The following TULP1 variants were observed in gnomAD, a reference collection of about 807,000 sequenced individuals.
TULP1 encodes TUB like protein 1.
Under a neutral mutation model 67.1 loss-of-function variants are expected in TULP1, and 50 were observed. The observed-to-expected ratio is 0.75, with a 90% confidence interval of 0.59 to 0.94. The LOEUF is 0.94. TULP1 is among the 40% of genes least tolerant of loss of function. The pLI is 0.00. For missense variants in TULP1, 746 were observed against 734.1 expected (o/e 1.02, Z -0.19); for synonymous variants, 297 against 294.0 (o/e 1.01, Z -0.11).
At chr6:35,507,808 T>G (rs537528390) in intron 8 of TULP1, among the ~76,000 whole-genome samples, 1 of 152,318 alleles carries the variant, frequency 6.6e-6, no homozygotes, top group East Asian at 1.9e-4. Context: ...TGGCCATTTT[T>G]TAAAATTTAT....
intron 2 of TULP1, 131 bp downstream of exon 2, chr6:35,512,508 C>G (rs750944320): frequency 1.2e-5 from 15 of 1,268,492 alleles, no homozygotes; most frequent in Admixed American, 1.9e-5. Context: ...CTTTCTCCCC[C>G]CAGATCTCCA....
In TULP1 at chr6:35,510,901, T is replaced by A. The variant is rs148523232; in HGVS notation, c.459A>T (p.Ala153=). 1.4e-5 allele frequency: 23 copies of A among 1,613,872 alleles called. No individual in the cohort carries two copies. Among genetic ancestry groups the A allele is most frequent in the Middle Eastern group, 1.6e-4 (1 of 6,084 alleles). ...CCTTGGCCCTCCTCTCCTTCAGGTCTGCGGAGCTCTTCTCTCTCAGGGGCT... is the reference window on the plus strand; with the variant it reads ...CCTTGGCCCTCCTCTCCTTCAGGTCAGCGGAGCTCTTCTCTCTCAGGGGCT... ...PKKPLREKSS[A]DLKERRAKAQ... Residue 153 remains alanine, a synonymous_variant, in exon 5 of 15, where the codon GCA becomes GCT. Transcript: ENST00000229771.
rs1337478675 is a variant in TULP1, at chr6:35,510,861, C to G, written c.499G>C (p.Gly167Arg). 9 of 1,613,908 alleles carry G rather than the reference C, an allele frequency of 5.6e-6. No individual in the cohort carries two copies. In the East Asian group the frequency reaches 6.7e-5, roughly 12 times the overall value. ...CTCTCTCAGCACCCTCAGCACCCAC[C>G]CCTTGGGCCCTGGGCCTTGGCCCTC... ...ERRAKAQGPR[G>R]DLGSPDPPPK... Residue 167 changes from glycine to arginine, a missense_variant and splice_region_variant, in exon 5 of 15, where the codon GGA (glycine) becomes CGA (arginine). By Grantham distance (125) the Gly-to-Arg change is moderately radical (BLOSUM62 -2). Transcript: ENST00000229771.
At chr6:35,511,897 C>T (rs542153225) in intron 3 of TULP1, 91 bp from the exon 4 acceptor site, 15 of 1,363,332 alleles carry the variant, frequency 1.1e-5, no homozygotes, top group Non-Finnish European at 1.5e-5. Context: ...GGGCGCACCC[C>T]CTCGGGCTCC....
Position 35,500,153 on chromosome 6 carries a change from C to T in TULP1, c.1324-1G>A. 1 of 1,613,932 alleles carries T rather than the reference C, an allele frequency of 6.2e-7. No homozygotes were observed. The highest frequency in any genetic ancestry group is 8.5e-7 in the Non-Finnish European group (1 of 1,180,018). ...AGCGCACCAGCAGGCCGTCACTAGC[C>T]TGGGGTGCCCCAGGGGAGTAGACAG... On this transcript the variant is annotated splice_acceptor_variant, in intron 13 of 14. Coordinates refer to ENST00000229771, the MANE Select transcript of TULP1 (RefSeq NM_003322.6). LOFTEE classifies it high-confidence loss of function.
intron 4 of TULP1, 118 bp from the exon 5 acceptor site, chr6:35,511,128 T>G: frequency 1.3e-6 from 2 of 1,547,536 alleles, no homozygotes; most frequent in Non-Finnish European, 1.7e-6. Context: ...AGCCTGCCCT[T>G]CTGAAACAAG....
chr6:35,498,138 T>C lies in TULP1; in HGVS notation c.*189A>G. 2 of 927,682 alleles carry C rather than the reference T, an allele frequency of 2.2e-6. No individual in the cohort carries two copies. The highest frequency in any genetic ancestry group is 1.6e-6 in the Non-Finnish European group (1 of 633,732). The allele number at this position is 927,682 out of a possible 1,614,324, so 57.5% of individuals were successfully genotyped here. A position where few individuals can be genotyped will look rare whatever the true frequency, so the allele number is the denominator to read the frequency against. ...TTCTTCATCTCCGTCCTACCCGCCG[T>C]CCGGGCTCCTCCTGCCTCGGCCTGT... On this transcript the variant is annotated 3_prime_UTR_variant, in exon 15 of 15. Transcript: ENST00000229771. This position sits in a 1 kb window ranked among gnomAD's most constrained non-coding sequence, Gnocchi z 6.7.
rs767998490 is a variant in TULP1, at chr6:35,512,612, G to A, written c.99+27C>T. On this transcript the variant is annotated intron_variant, in intron 2 of 14. Coordinates refer to ENST00000229771, the MANE Select transcript of TULP1 (RefSeq NM_003322.6). ...TTACGCACAGCGGGGACATCTTTCT[G>A]CTTCCTTTCCAAGTGGGGTGGCATA... 3.1e-6 allele frequency: 5 copies of A among 1,613,780 alleles called. No homozygotes were observed. The South Asian group carries it at 5.5e-5, about 18-fold the overall frequency.
chr6:35,505,286 T>C (rs1228475408), intron 11 of TULP1, among the ~76,000 whole-genome samples: 1 of 152,226 alleles, frequency 6.6e-6, no homozygotes, highest in African/African-American at 2.4e-5. Context: ...TCCCCTTCCT[T>C]CAGCTCTCAG....
In TULP1 at chr6:35,511,749, G is replaced by T. The variant is rs765249939; in HGVS notation, c.248C>A (p.Ala83Glu). Residue 83 changes from alanine to glutamate, a missense_variant, in exon 4 of 15, where the codon GCG becomes GAG. By Grantham distance (107) the Ala-to-Glu change is moderately radical. Transcript: ENST00000229771. ...EPSPDPAQAR[A>E]PQTVYARFLR... ...GAACCTGGCGTAGACCGTCTGCGGC[G>T]CCCGGGCCTGGGCTGGGTCTGGGGA... 1.1e-5 allele frequency: 18 copies of T among 1,584,346 alleles called. No homozygotes were observed. In the East Asian group the frequency reaches 3.9e-4, roughly 35 times the overall value.
chr6:35,509,030 A>G (rs1761137348), intron 8 of TULP1, among the ~76,000 whole-genome samples, 179 bp downstream of exon 8: 1 of 152,126 alleles, frequency 6.6e-6, no homozygotes, highest in African/African-American at 2.4e-5. Context: ...GTGACCCCAC[A>G]AACGCCTCCT....
intron 8 of TULP1, among the ~76,000 whole-genome samples, chr6:35,507,777 T>A (rs1761113755): frequency 6.6e-6 from 1 of 152,190 alleles, no homozygotes; most frequent in African/African-American, 2.4e-5. Context: ...CCACGAAGAA[T>A]CCACAAAGAT....
At position 35,509,675 on chromosome 6, in the gene TULP1, A is replaced by G. The variant is rs767674809; in HGVS notation, c.677T>C (p.Val226Ala). ...ARKSPAAMFL[V>A]GEGSPDKKAL... ...TTTCTTGTCAGGACTGCCTTCCCCA[A>G]CCAGAAACATGGCTGCTGGGCTCTT... The change falls in exon 7 of 15, where the codon GTT (valine) becomes GCT (alanine). Residue 226 changes from valine to alanine, a missense_variant. Around this residue, in one of 3 missense-constraint regions of TULP1, gnomAD observed 359 missense variants for 341.9 expected, o/e 1.05. Coordinates refer to ENST00000229771, the MANE Select transcript of TULP1 (RefSeq NM_003322.6). The G allele has an allele frequency of 1.9e-6, 3 of 1,613,710 alleles. No homozygotes were observed. Among genetic ancestry groups the G allele is most frequent in the Admixed American group, 1.7e-5 (1 of 59,936 alleles).
intron 13 of TULP1, among the ~76,000 whole-genome samples, chr6:35,500,746 C>T (rs1768823874): frequency 6.6e-6 from 1 of 152,190 alleles, no homozygotes; most frequent in Non-Finnish European, 1.5e-5. Flanking sequence ...TCCATGACAC[C>T]TTGCTCTTAC....
intron 14 of TULP1, among the ~76,000 whole-genome samples, chr6:35,499,464 A>G (rs1008800751): frequency 6.6e-6 from 1 of 152,190 alleles, no homozygotes; most frequent in African/African-American, 2.4e-5. Context: ...CTTCACAGGG[A>G]CGTTGAAGGG....
Position 35,497,914 on chromosome 6 carries a change from G to T in TULP1, c.*413C>A. On this transcript the variant is annotated 3_prime_UTR_variant, in exon 15 of 15. Transcript: ENST00000229771. ...GCTTTATTGGGGATGTGGGTGCCTG[G>T]CCCTCGTCCCCCATCACCTACCCCC... The T allele has an allele frequency of 3.9e-6, 1 of 259,054 alleles. No individual in the cohort carries two copies. Among genetic ancestry groups the T allele is most frequent in the South Asian group, 4.8e-5 (1 of 20,748 alleles). The allele number at this position is 259,054 out of a possible 1,614,324, so 16.0% of individuals were successfully genotyped here.
At position 35,509,655 on chromosome 6, in the gene TULP1, T is replaced by C. The variant is rs770731473; in HGVS notation, c.697A>G (p.Lys233Glu). 5 of 1,614,114 alleles carry C rather than the reference T, an allele frequency of 3.1e-6. No individual in the cohort carries two copies. Among genetic ancestry groups the C allele is most frequent in the South Asian group, 1.1e-5 (1 of 91,082 alleles). Residue 233 changes from lysine (K) to glutamate (E), a missense_variant, in exon 7 of 15, where the codon AAG becomes GAG. Transcript: ENST00000229771. ...MFLVGEGSPD[K>E]KALKKKGTPK... ...CCACCTTTCTTCTTCAGGGCTTTCT[T>C]GTCAGGACTGCCTTCCCCAACCAGA...
At position 35,511,142 on chromosome 6, in the gene TULP1, C is replaced by T. The variant is rs146741084; in HGVS notation, c.350-132G>A. The T allele has an allele frequency of 4.4e-4, 670 of 1,530,932 alleles. 3 individuals are homozygous for T. In the African/African-American group the frequency reaches 5.2e-3, roughly 12 times the overall value. 94.8% of individuals were successfully genotyped at this position (1,530,932 alleles called of 1,614,324 possible). ...GAGCCTGCCCTTCTGAAACAAGAAC[C>T]GGAGACCTGGCACCTTCCCAGAAGA... On this transcript the variant is annotated intron_variant, in intron 4 of 14. Coordinates refer to ENST00000229771, the MANE Select transcript of TULP1 (RefSeq NM_003322.6).
chr6:35,512,553 T>G, intron 2 of TULP1, 86 bp downstream of exon 2: 1 of 1,567,738 alleles, frequency 6.4e-7, no homozygotes, highest in Non-Finnish European at 8.8e-7. Flanking sequence ...AAGGGGGACC[T>G]GTCCCACCCC....
Sources: allele counts gnomAD v4.1 joint callset (sites outside exome capture counted in the v4.1 genomes callset), GRCh38; gene constraint gnomAD v4.1.1; regional missense constraint gnomAD v4.1.1; non-coding constraint Gnocchi (gnomAD v3.1); transcripts MANE v1.5; gene names NCBI Gene and HGNC (gene_info 2026-07-23, HGNC 2026-07-21).